Variants in CFDP1 observed in about 807,000 individuals in gnomAD.
The protein encoded by CFDP1 is heterochromatin-stabilizing protein CFDP1.
Under a neutral mutation model 40.1 loss-of-function variants are expected in CFDP1, and 31 were observed. The observed-to-expected ratio is 0.77, with a 90% CI of 0.58 to 1.04. The LOEUF is 1.04. Ranked by LOEUF, CFDP1 falls within the 50% of genes least tolerant of loss-of-function variation. The pLI is 0.00. For missense variants in CFDP1, 423 were observed against 343.4 expected (o/e 1.23, Z -1.83); for synonymous variants, 167 against 120.0 (o/e 1.39, Z -2.56).
At chr16:75,427,443 G>A (rs1597410106) in intron 1 of CFDP1, among the ~76,000 whole-genome samples, 2 of 152,138 alleles carry the variant, frequency 1.3e-5, no homozygotes. Context: ...AGTAGAGACA[G>A]GGTTTCAACA....
intron 1 of CFDP1, among the ~76,000 whole-genome samples, chr16:75,424,235 C>G (rs2079309409): frequency 6.6e-6 from 1 of 152,186 alleles, no homozygotes; most frequent in South Asian, 2.1e-4. Flanking sequence ...TACTATCTAA[C>G]TGGATGAATT....
chr16:75,403,610 C>T (rs1185105705), intron 4 of CFDP1, among the ~76,000 whole-genome samples: 1 of 152,168 alleles, frequency 6.6e-6, no homozygotes, highest in African/African-American at 2.4e-5. Flanking sequence ...CTTTCTTAGT[C>T]TGCATAACAC....
intron 5 of CFDP1, 133 bp from the exon 6 acceptor site, chr16:75,305,315 C>G: frequency 1.2e-6 from 1 of 853,284 alleles, no homozygotes; most frequent in Non-Finnish European, 1.8e-6. Flanking sequence ...ATATTTGGGG[C>G]ATTTCCTTCC....
chr16:75,410,973 C>T (rs1475899722), intron 4 of CFDP1, among the ~76,000 whole-genome samples: 11 of 150,098 alleles, frequency 7.3e-5, no homozygotes, highest in South Asian at 2.1e-4. Context: ...AATCCTAGCA[C>T]TTTGGGAGGC....
At chr16:75,370,516 C>T (rs531291042) in intron 5 of CFDP1, among the ~76,000 whole-genome samples, 3 of 152,118 alleles carry the variant, frequency 2.0e-5, no homozygotes, top group Non-Finnish European at 1.5e-5. Flanking sequence ...TGTAACAAAC[C>T]TGCACGTTGT....
At chr16:75,401,245 A>G (rs11149827) in intron 4 of CFDP1, among the ~76,000 whole-genome samples, 78,055 of 151,270 alleles carry the variant, frequency 0.52, 21,161 homozygotes, top group Admixed American at 0.64. Flanking sequence ...TGGCTAATAC[A>G]GTGAAACCCC....
At chr16:75,328,845 A>T (rs887550632) in intron 5 of CFDP1, among the ~76,000 whole-genome samples, 9 of 131,576 alleles carry the variant, frequency 6.8e-5, no homozygotes, top group Admixed American at 2.3e-4. Context: ...TGCTCAGCGA[A>T]TTTTTTTTTT....
At chr16:75,345,747 T>C (rs536600673) in intron 5 of CFDP1, among the ~76,000 whole-genome samples, 9 of 152,354 alleles carry the variant, frequency 5.9e-5, no homozygotes, top group African/African-American at 1.9e-4. Flanking sequence ...CAAAAGATCA[T>C]TTGTTTTCTT....
At chr16:75,309,595 C>T (rs945167283) in intron 5 of CFDP1, among the ~76,000 whole-genome samples, 6 of 152,102 alleles carry the variant, frequency 3.9e-5, no homozygotes, top group Middle Eastern at 6.8e-3. Context: ...CCGAGGCGGG[C>T]GGATCACAAG....
chr16:75,303,434 G>A (rs7189407), intron 6 of CFDP1, among the ~76,000 whole-genome samples: 108,269 of 146,522 alleles, frequency 0.74, 40,175 homozygotes, highest in Admixed American at 0.8. Context: ...TATGTTTAGG[G>A]AAAAAAAAAC....
chr16:75,329,250 T>A (rs1311293373), intron 5 of CFDP1, among the ~76,000 whole-genome samples: 2 of 152,114 alleles, frequency 1.3e-5, no homozygotes, highest in East Asian at 1.9e-4. Flanking sequence ...CCTCTCAAAG[T>A]GCTAGGATTA....
chr16:75,421,596 A>G (rs181473361), intron 1 of CFDP1, among the ~76,000 whole-genome samples: 15 of 152,304 alleles, frequency 9.8e-5, no homozygotes, highest in Non-Finnish European at 2.1e-4. Context: ...ACCAACTAAG[A>G]ATCAGTATAA....
chr16:75,410,917 A>G (rs1597393677), intron 4 of CFDP1, among the ~76,000 whole-genome samples: 1 of 150,008 alleles, frequency 6.7e-6, no homozygotes, highest in East Asian at 2.0e-4. Flanking sequence ...TCAAAAAAAA[A>G]AAAAAAAAAG....
intron 6 of CFDP1, among the ~76,000 whole-genome samples, chr16:75,303,172 C>T (rs2078232772): frequency 6.7e-6 from 1 of 149,262 alleles, no homozygotes; most frequent in Non-Finnish European, 1.5e-5. Flanking sequence ...TGCATTCCAG[C>T]CTGCCCAACA....
At chr16:75,299,054 A>AGCT (rs923449579) in intron 6 of CFDP1, among the ~76,000 whole-genome samples, 2 of 152,090 alleles carry the variant, frequency 1.3e-5, no homozygotes, top group Non-Finnish European at 2.9e-5. Flanking sequence ...CTAGATGCCA[A>AGCT]GCTGCTGCTG....
chr16:75,374,695 G>A (rs1228177404), intron 5 of CFDP1, among the ~76,000 whole-genome samples: 4 of 151,568 alleles, frequency 2.6e-5, no homozygotes, highest in African/African-American at 9.7e-5. Flanking sequence ...CACATACCTA[G>A]TTTAAAAACA....
At chr16:75,386,411 A>C (rs1271888207) in intron 5 of CFDP1, among the ~76,000 whole-genome samples, 1 of 152,170 alleles carries the variant, frequency 6.6e-6, no homozygotes, top group Non-Finnish European at 1.5e-5. Context: ...GGTGACCACA[A>C]ATGAAAAAAG....
intron 5 of CFDP1, among the ~76,000 whole-genome samples, chr16:75,331,814 T>C (rs1346683652): frequency 6.6e-6 from 1 of 152,200 alleles, no homozygotes; most frequent in Non-Finnish European, 1.5e-5. Context: ...ATGTTTTCAT[T>C]TCTTTTGGAT....
At chr16:75,309,700 G>T (rs894478110) in intron 5 of CFDP1, among the ~76,000 whole-genome samples, 11 of 151,362 alleles carry the variant, frequency 7.3e-5, no homozygotes, top group Non-Finnish European at 1.6e-4. Context: ...GGCGCCTGTA[G>T]TCCCAGTTAC....
Sources: allele counts gnomAD v4.1 joint callset (sites outside exome capture counted in the v4.1 genomes callset), GRCh38; gene constraint gnomAD v4.1.1; transcripts MANE v1.5; gene names NCBI Gene and HGNC (gene_info 2026-07-23, HGNC 2026-07-21).